The following HMCN1 variants were observed in gnomAD, a reference collection of about 807,000 sequenced individuals.
HMCN1 encodes hemicentin-1.
Under a neutral mutation model 625.9 loss-of-function variants are expected in HMCN1, and 321 were observed. That is an observed-to-expected ratio of 0.51 (90% CI 0.47 to 0.56). The LOEUF (loss-of-function observed/expected upper bound fraction) is 0.56, where lower values mean the gene tolerates loss of function less well. HMCN1 is among the 20% of genes least tolerant of loss of function. HMCN1 has a pLI of 0.00. For synonymous variants in HMCN1, 2,425 were observed against 2,417.6 expected, an observed-to-expected ratio of 1.00 and a Z score of -0.09; for missense variants, 6,588 against 6,887.3, an observed-to-expected ratio of 0.96 and a Z score of 1.54.
At chr1:186,129,832 G>C in intron 83 of HMCN1, 134 bp from the exon 84 acceptor site, 1 of 1,024,202 alleles carries the variant, frequency 9.8e-7, no homozygotes, top group South Asian at 1.3e-5. Context: ...TGTGGAAAAG[G>C]CTCTCTTCTC....
chr1:186,019,723 C>G, intron 35 of HMCN1, 28 bp downstream of exon 35: 1 of 1,584,360 alleles, frequency 6.3e-7, no homozygotes, highest in Middle Eastern at 1.7e-4. Context: ...TCAGCCTAAA[C>G]TGGGAAAGCT....
Position 185,808,738 on chromosome 1 carries a change from T to C in HMCN1, c.269-37288T>C, listed in dbSNP as rs78493714. ...CTTCAAAGTGTATTCTACTTCCTTT[T>C]CTCTTCAGGCATCTGAATGATGTAA... On this transcript the variant is annotated intron_variant, in intron 1 of 106. Transcript: ENST00000271588. Among the ~76,000 whole-genome samples, 1,124 of 152,316 alleles carry C rather than the reference T, an allele frequency of 7.4e-3. 9 individuals carry two copies. The highest frequency in any genetic ancestry group is 0.027 in the Middle Eastern group (8 of 294).
Position 186,182,452 on chromosome 1 carries a change from A to G in HMCN1, c.16414+165A>G, listed in dbSNP as rs752891351. ...ATTGCTTTTGCAAGCAGGAGAAGCA[A>G]TGGGAGAGGAAGCAAGCAAAGAAAA... On this transcript the variant is annotated intron_variant, in intron 105 of 106. Coordinates refer to ENST00000271588, the MANE Select transcript of HMCN1 (RefSeq NM_031935.3). 3.9e-4 allele frequency among the ~76,000 whole-genome samples: 59 copies of G among 152,284 alleles called. 1 individual carries two copies. Among genetic ancestry groups the G allele is most frequent in the Admixed American group, 1.3e-4 (2 of 15,288 alleles).
rs1384592474 is a variant in HMCN1, at chr1:186,144,230, A to G, written c.13982A>G (p.Lys4661Arg). 2 of 1,612,674 alleles carry G rather than the reference A, an allele frequency of 1.2e-6. No homozygotes were observed. Among genetic ancestry groups the G allele is most frequent in the South Asian group, 1.1e-5 (1 of 90,820 alleles). Residue 4661 changes from lysine to arginine, a missense_variant, in exon 90 of 107, where the codon AAA (lysine) becomes AGA (arginine). By Grantham distance (26) the Lys-to-Arg change is conservative (BLOSUM62 2). Transcript: ENST00000271588. Reference sequence around the variant, plus strand: ...GGAACATGCAGCGAAAGTTGTGGGAAAGGTACTCAGACAAGAGCAAGACTT... The same window carrying G: ...GGAACATGCAGCGAAAGTTGTGGGAGAGGTACTCAGACAAGAGCAAGACTT... ...PWGTCSESCG[K>R]GTQTRARLCN... is the part of the protein sequence containing the mutation.
chr1:185,765,281 G>A (rs1003768979), intron 1 of HMCN1, among the ~76,000 whole-genome samples: 1 of 152,064 alleles, frequency 6.6e-6, no homozygotes, highest in Non-Finnish European at 1.5e-5. Flanking sequence ...GTTACAAAGA[G>A]GTGATACTAG....
At chr1:185,983,357 C>T (rs767033429) in intron 18 of HMCN1, among the ~76,000 whole-genome samples, 39 of 151,816 alleles carry the variant, frequency 2.6e-4, no homozygotes, top group East Asian at 3.9e-4. Flanking sequence ...ACCCAGGAGG[C>T]GGAGGTTGCA....
chr1:186,037,920 TG>T lies in HMCN1; in HGVS notation c.5750-11del. Reference sequence around the variant, plus strand: ...TACTTATAAGAAATAATTATCTGTTTGGGCCTCTTGTAGAACCACCTAGTCT... The same window carrying T: ...TACTTATAAGAAATAATTATCTGTTTGGCCTCTTGTAGAACCACCTAGTCT... On this transcript the variant is annotated splice_polypyrimidine_tract_variant and intron_variant, in intron 36 of 106. Coordinates refer to ENST00000271588, the MANE Select transcript of HMCN1 (RefSeq NM_031935.3). 2 of 1,429,846 alleles carry T rather than the reference TG, an allele frequency of 1.4e-6. No individual in the cohort carries two copies. Among genetic ancestry groups the T allele is most frequent in the African/African-American group, 1.4e-5 (1 of 71,482 alleles). 88.6% of individuals were successfully genotyped at this position (1,429,846 alleles called of 1,614,324 possible).
chr1:186,026,886 C>T (rs915961987), intron 36 of HMCN1, among the ~76,000 whole-genome samples: 7 of 152,194 alleles, frequency 4.6e-5, no homozygotes, highest in East Asian at 1.9e-4. Flanking sequence ...CTGCCGACCT[C>T]GGCCTCCCAA....
At chr1:185,858,246 TA>T (rs1158365453) in intron 2 of HMCN1, among the ~76,000 whole-genome samples, 3 of 152,166 alleles carry the variant, frequency 2.0e-5, no homozygotes, top group Non-Finnish European at 2.9e-5. Context: ...TTAACACAGG[TA>T]AAGTGTCTTA....
chr1:185,891,643 C>G (rs1162684896), intron 4 of HMCN1, among the ~76,000 whole-genome samples: 1 of 148,070 alleles, frequency 6.8e-6, no homozygotes, highest in Non-Finnish European at 1.5e-5. Context: ...TTGGCCCCCA[C>G]TCTCTTCTGG....
At chr1:185,743,646 A>G (rs1654145185) in intron 1 of HMCN1, among the ~76,000 whole-genome samples, 1 of 152,238 alleles carries the variant, frequency 6.6e-6, no homozygotes, top group Admixed American at 6.5e-5. Flanking sequence ...GGGATTCTCA[A>G]CCTTGGTTTT....
intron 1 of HMCN1, among the ~76,000 whole-genome samples, chr1:185,802,387 C>A (rs1033750861): frequency 3.3e-5 from 5 of 150,132 alleles, no homozygotes; most frequent in Non-Finnish European, 4.4e-5. Context: ...GCGAAAGTTG[C>A]CTTAGACTAG....
intron 1 of HMCN1, among the ~76,000 whole-genome samples, chr1:185,821,537 TC>T (rs972716919): frequency 6.6e-6 from 1 of 152,072 alleles, no homozygotes; most frequent in African/African-American, 2.4e-5. Context: ...TGGAATTAAA[TC>T]ATGTAACTCT....
Position 186,016,238 on chromosome 1 carries a change from G to T in HMCN1, c.5190G>T (p.Leu1730Phe), listed in dbSNP as rs140707354. Residue 1730 changes from leucine (L) to phenylalanine (F), a missense_variant and splice_region_variant, in exon 32 of 107, where the codon TTG becomes TTT. By Grantham distance (22) the Leu-to-Phe change is conservative (BLOSUM62 0). Around this residue, in one of 3 missense-constraint regions of HMCN1, gnomAD observed 4,628 missense variants for 4,853.1 expected, o/e 0.95. Transcript: ENST00000271588. ...EKEIKYEVDV[L>F]VPPAIEGGDE... ...AAATCAAATATGAAGTTGATGTCTT[G>T]GGTAAATAAGGATGCCACTGCCTGG... 8 of 1,611,254 alleles carry T rather than the reference G, an allele frequency of 5.0e-6. No individual in the cohort carries two copies. The African/African-American group carries it at 9.4e-5, about 19-fold the overall frequency.
At chr1:185,914,450 A>G (rs575897751) in intron 6 of HMCN1, among the ~76,000 whole-genome samples, 2 of 152,086 alleles carry the variant, frequency 1.3e-5, no homozygotes, top group Non-Finnish European at 2.9e-5. Flanking sequence ...AATATGGAGA[A>G]CGATCTATCT....
intron 1 of HMCN1, among the ~76,000 whole-genome samples, chr1:185,794,601 ATTT>A (rs34098989): frequency 1.5e-3 from 172 of 111,198 alleles, no homozygotes; most frequent in African/African-American, 5.5e-3. Context: ...GTCTTTACAC[ATTT>A]TTTTTTTTTT....
In HMCN1 at chr1:185,734,534, A is replaced by T; in HGVS notation, c.-246A>T. On this transcript the variant is annotated 5_prime_UTR_variant, in exon 1 of 107. It introduces an in-frame stop codon into an upstream open reading frame of the 5' UTR. Coordinates refer to ENST00000271588, the MANE Select transcript of HMCN1 (RefSeq NM_031935.3). ...CACAGGCTGTCCAGGGCCCGCGGGC[A>T]GATAGCAGTCCAGGAGGAAGCCGCA... 2 of 507,926 alleles carry T rather than the reference A, an allele frequency of 3.9e-6. No homozygotes were observed. Among genetic ancestry groups the T allele is most frequent in the Non-Finnish European group, 3.5e-6 (1 of 282,460 alleles). The allele number at this position is 507,926 out of a possible 1,614,324, so 31.5% of individuals were successfully genotyped here. A position where few individuals can be genotyped will look rare whatever the true frequency, so the allele number is the denominator to read the frequency against.
chr1:185,746,812 G>A (rs1312657293), intron 1 of HMCN1, among the ~76,000 whole-genome samples: 1 of 151,806 alleles, frequency 6.6e-6, no homozygotes, highest in Non-Finnish European at 1.5e-5. Flanking sequence ...TTGCTGTGTT[G>A]GCCAGGCTTG....
intron 6 of HMCN1, among the ~76,000 whole-genome samples, chr1:185,913,853 T>A (rs1666558964): frequency 6.6e-6 from 1 of 152,146 alleles, no homozygotes; most frequent in Non-Finnish European, 1.5e-5. Flanking sequence ...ATTACGCACA[T>A]TTTAATTGAT....
Sources: gnomAD v4.1 joint callset for allele counts (sites outside exome capture counted in the v4.1 genomes callset) on GRCh38, gnomAD v4.1.1 for gene constraint, gnomAD v4.1.1 regional missense constraint, MANE v1.5 for transcripts, NCBI Gene and HGNC (gene_info 2026-07-23, HGNC 2026-07-21) for gene names.